The following CPNE4 variants were observed in gnomAD, a reference collection of about 807,000 sequenced individuals.
CPNE4 encodes the protein copine-4.
Under a neutral mutation model 67.9 loss-of-function variants are expected in CPNE4, and 25 were observed. The ratio of observed to expected loss-of-function variants is 0.37; its 90% CI spans 0.27 to 0.51. CPNE4 has a LOEUF of 0.51. CPNE4 is among the 20% of genes least tolerant of loss of function. The pLI is 0.93. For synonymous variants in CPNE4, 242 were observed against 244.9 expected (o/e 0.99, Z 0.11); for missense variants, 464 against 690.8 (o/e 0.67, Z 3.68).
At chr3:131,734,893 C>A (rs1310232197) in intron 2 of CPNE4, among the ~76,000 whole-genome samples, 1 of 152,028 alleles carries the variant, frequency 6.6e-6, no homozygotes, top group Non-Finnish European at 1.5e-5. Context: ...CCCTGTCCCT[C>A]CCCTGCCCCC....
intron 2 of CPNE4, among the ~76,000 whole-genome samples, chr3:131,792,608 T>TGTGTATATATGTATATATATATACAC (rs2083758477): frequency 1.1e-5 from 1 of 91,368 alleles, no homozygotes; most frequent in Non-Finnish European, 2.3e-5. Flanking sequence ...TATATGTGTG[T>TGTGTATATATGTATATATATATACAC]GTGTATATAT....
rs75385117 is a variant in CPNE4, at chr3:131,832,119, T to C, written c.180+73145A>G. On this transcript the variant is annotated intron_variant, in intron 2 of 15. Transcript: ENST00000429747. ...GGGCTTATAGCTTATACTTTGTAATTGACATTAATATTAAAATGTCATTAT... is the reference window on the plus strand; with the variant it reads ...GGGCTTATAGCTTATACTTTGTAATCGACATTAATATTAAAATGTCATTAT... Among the ~76,000 whole-genome samples the C allele has an allele frequency of 5.8e-3, 888 of 152,364 alleles. 4 individuals carry two copies. Among genetic ancestry groups the C allele is most frequent in the Admixed American group, 0.011 (161 of 15,304 alleles).
intron 2 of CPNE4, among the ~76,000 whole-genome samples, chr3:131,762,680 C>A (rs139398291): frequency 2.0e-5 from 3 of 152,042 alleles, no homozygotes; most frequent in Admixed American, 2.0e-4. Flanking sequence ...AATTCTATAA[C>A]TGCCCCTTGA....
At chr3:131,965,055 G>A (rs576887806) in intron 1 of CPNE4, among the ~76,000 whole-genome samples, 4 of 152,180 alleles carry the variant, frequency 2.6e-5, no homozygotes, top group Non-Finnish European at 5.9e-5. Flanking sequence ...CTGGAAGAGA[G>A]TGGGGGCCAA....
At chr3:131,609,119 C>T (rs142450960) in intron 7 of CPNE4, among the ~76,000 whole-genome samples, 4 of 152,252 alleles carry the variant, frequency 2.6e-5, no homozygotes, top group Admixed American at 6.5e-5. Flanking sequence ...CAGTTGGGAT[C>T]ATATGTTTTC....
At chr3:131,983,319 G>A (rs1004011448) in intron 1 of CPNE4, among the ~76,000 whole-genome samples, 2 of 152,096 alleles carry the variant, frequency 1.3e-5, no homozygotes. Flanking sequence ...AATCTGGTAA[G>A]ACTAATTTAC....
At chr3:131,942,463 TGAGA>T (rs59277847) in intron 1 of CPNE4, among the ~76,000 whole-genome samples, 2,102 of 70,312 alleles carry the variant, frequency 0.03, 24 homozygotes, top group East Asian at 0.044. Flanking sequence ...TGTGTGTGTG[TGAGA>T]GAGAGAGAGA....
At position 131,978,450 on chromosome 3, in the gene CPNE4, A is replaced by T. The variant is rs1416365548; in HGVS notation, c.-2+56117T>A. ...TATTTATATATTTATATATATTTAT[A>T]TATATATTTATATATATTTATATAT... is the stretch of plus-strand genomic sequence containing the variant. On this transcript the variant is annotated intron_variant, in intron 1 of 15. Coordinates refer to ENST00000429747, the MANE Select transcript of CPNE4 (RefSeq NM_130808.3). Among the ~76,000 whole-genome samples, 2 of 16,318 alleles carry T rather than the reference A, an allele frequency of 1.2e-4. 1 individual carries two copies. The highest frequency in any genetic ancestry group is 2.1e-4 in the Non-Finnish European group (2 of 9,746). 10.7% of individuals were successfully genotyped at this position (16,318 alleles called of 152,430 possible). A position where few individuals can be genotyped will look rare whatever the true frequency, so the allele number is the denominator to read the frequency against.
chr3:131,987,912 A>C (rs912217537), intron 1 of CPNE4, among the ~76,000 whole-genome samples: 2 of 152,162 alleles, frequency 1.3e-5, no homozygotes, highest in Admixed American at 1.3e-4. Flanking sequence ...CAGTGCTTAT[A>C]ATGTGCCAAG....
chr3:131,848,797 C>G (rs1448125761), intron 2 of CPNE4, among the ~76,000 whole-genome samples: 1 of 151,698 alleles, frequency 6.6e-6, no homozygotes, highest in African/African-American at 2.4e-5. Context: ...CCAAGAGCGT[C>G]AATTGCTTCT....
In CPNE4 at chr3:131,736,488, C is replaced by T. The variant is rs1049262921; in HGVS notation, c.181-12863G>A. On this transcript the variant is annotated intron_variant, in intron 2 of 15. Coordinates refer to ENST00000429747, the MANE Select transcript of CPNE4 (RefSeq NM_130808.3). Reference sequence around the variant, plus strand: ...TACAAAAATTAACTGGGCATGGTGGCGCATGCCTGTAGTCCCAGCTACTCG... The same window carrying T: ...TACAAAAATTAACTGGGCATGGTGGTGCATGCCTGTAGTCCCAGCTACTCG... 5.3e-5 allele frequency among the ~76,000 whole-genome samples: 8 copies of T among 151,756 alleles called. No homozygotes were observed. In the South Asian group the frequency reaches 6.2e-4, roughly 12 times the overall value.
At chr3:131,978,963 G>A (rs970111858) in intron 1 of CPNE4, among the ~76,000 whole-genome samples, 1 of 152,026 alleles carries the variant, frequency 6.6e-6, no homozygotes, top group Non-Finnish European at 1.5e-5. Flanking sequence ...GCTCATTCAG[G>A]AGCAGGTTAT....
At chr3:131,672,510 T>C (rs2080444716) in intron 6 of CPNE4, among the ~76,000 whole-genome samples, 1 of 152,114 alleles carries the variant, frequency 6.6e-6, no homozygotes, top group Non-Finnish European at 1.5e-5. Context: ...CTTTTGAATT[T>C]ATCCAAAAAA....
chr3:131,813,595 A>G (rs1583248772), intron 2 of CPNE4, among the ~76,000 whole-genome samples: 5 of 152,106 alleles, frequency 3.3e-5, no homozygotes, highest in Admixed American at 3.3e-4. Context: ...AGTTACATTC[A>G]AAATCTTTTA....
At chr3:131,792,672 CATATAT>C (rs2083781361) in intron 2 of CPNE4, among the ~76,000 whole-genome samples, 5 of 32,866 alleles carry the variant, frequency 1.5e-4, no homozygotes, top group East Asian at 1.2e-3. Context: ...TGTATATATA[CATATAT>C]ACACACGTGT....
chr3:131,906,865 A>T (rs568556800), intron 1 of CPNE4, among the ~76,000 whole-genome samples: 1 of 151,856 alleles, frequency 6.6e-6, no homozygotes, highest in South Asian at 2.1e-4. Context: ...TTACAGTCCC[A>T]CCAACAGTGT....
At chr3:131,598,433 T>A (rs1939013870) in intron 7 of CPNE4, among the ~76,000 whole-genome samples, 1 of 152,236 alleles carries the variant, frequency 6.6e-6, no homozygotes, top group African/African-American at 2.4e-5. Context: ...TGAACAATAC[T>A]CCCTTTGTTT....
chr3:131,739,165 G>A (rs969845087), intron 2 of CPNE4, among the ~76,000 whole-genome samples: 3 of 152,180 alleles, frequency 2.0e-5, no homozygotes, highest in African/African-American at 7.2e-5. Context: ...CCTGGAGACA[G>A]TAAAAGCTCA....
At chr3:131,721,597 G>A (rs184566555) in intron 3 of CPNE4, among the ~76,000 whole-genome samples, 5 of 152,104 alleles carry the variant, frequency 3.3e-5, no homozygotes, top group South Asian at 2.1e-4. Flanking sequence ...GGGTTTCACC[G>A]TGTTATCCAG....
Sources: gnomAD v4.1 joint callset for allele counts (sites outside exome capture counted in the v4.1 genomes callset) on GRCh38, gnomAD v4.1.1 for gene constraint, MANE v1.5 for transcripts, NCBI Gene and HGNC (gene_info 2026-07-23, HGNC 2026-07-21) for gene names.